The following TBC1D4 variants were observed in gnomAD, a reference collection of about 807,000 sequenced individuals.
TBC1D4 encodes TBC (Tre-2, BUB2, CDC16) domain-containing protein.
In TBC1D4, 121 loss-of-function variants were observed where a neutral mutation model predicts 142.5. The ratio of observed to expected loss-of-function variants is 0.85; its 90% CI spans 0.73 to 0.99. The LOEUF (loss-of-function observed/expected upper bound fraction) is 0.99, where lower values mean the gene tolerates loss of function less well. TBC1D4 is among the 50% of genes least tolerant of loss of function. TBC1D4 has a pLI of 0.00. For synonymous variants in TBC1D4, 630 were observed against 628.2 expected, an observed-to-expected ratio of 1.00 and a Z score of -0.04; for missense variants, 1,475 against 1,606.6, an observed-to-expected ratio of 0.92 and a Z score of 1.40.
chr13:75,310,746 AC>A (rs1877666633), intron 13 of TBC1D4, among the ~76,000 whole-genome samples: 1 of 152,146 alleles, frequency 6.6e-6, no homozygotes, highest in Non-Finnish European at 1.5e-5. Context: ...TGACTTCGCC[AC>A]CCAGGTAGTG....
chr13:75,380,030 G>A (rs570928265), intron 1 of TBC1D4, among the ~76,000 whole-genome samples: 97 of 150,220 alleles, frequency 6.5e-4, no homozygotes, highest in African/African-American at 2.2e-3. Flanking sequence ...TTCAACCTCC[G>A]AAGTGTCCCA....
chr13:75,379,812 T>C (rs1883713193), intron 1 of TBC1D4, among the ~76,000 whole-genome samples: 2 of 148,886 alleles, frequency 1.3e-5, no homozygotes, highest in African/African-American at 2.4e-5. Context: ...AAACAACACA[T>C]TTACCATTAT....
At chr13:75,342,792 T>C (rs17064211) in intron 5 of TBC1D4, among the ~76,000 whole-genome samples, 2 of 151,930 alleles carry the variant, frequency 1.3e-5, no homozygotes, top group African/African-American at 4.8e-5. Flanking sequence ...ACTTAGAGTA[T>C]TGCTACTATA....
intron 1 of TBC1D4, among the ~76,000 whole-genome samples, chr13:75,382,168 C>T (rs1355003392): frequency 6.6e-6 from 1 of 152,172 alleles, no homozygotes; most frequent in Non-Finnish European, 1.5e-5. Context: ...CAAATCCACC[C>T]TAAACAATTC....
chr13:75,429,876 C>CAAG (rs1886525931), intron 1 of TBC1D4, among the ~76,000 whole-genome samples: 1 of 152,120 alleles, frequency 6.6e-6, no homozygotes, highest in Admixed American at 6.5e-5. Context: ...GAGCATAGAA[C>CAAG]CATCTGCAGA....
chr13:75,410,204 T>G (rs1198054960), intron 1 of TBC1D4, among the ~76,000 whole-genome samples: 1 of 152,186 alleles, frequency 6.6e-6, no homozygotes, highest in Admixed American at 6.5e-5. Flanking sequence ...CACGTCCTCT[T>G]TAAAAGCTTT....
At chr13:75,310,354 CA>C (rs1877625540) in intron 13 of TBC1D4, among the ~76,000 whole-genome samples, 1 of 152,178 alleles carries the variant, frequency 6.6e-6, no homozygotes, top group Non-Finnish European at 1.5e-5. Context: ...CATGATGAAA[CA>C]GAAGCATAGG....
chr13:75,422,701 A>T (rs1205691665), intron 1 of TBC1D4, among the ~76,000 whole-genome samples: 1 of 152,204 alleles, frequency 6.6e-6, no homozygotes, highest in Admixed American at 6.5e-5. Context: ...TTTATATTAA[A>T]GATAATATCA....
intron 7 of TBC1D4, among the ~76,000 whole-genome samples, chr13:75,338,809 C>A (rs9543904): frequency 6.6e-6 from 1 of 152,216 alleles, no homozygotes; most frequent in East Asian, 1.9e-4. Context: ...TCATCCCCTG[C>A]CCCACTCTCG....
chr13:75,357,673 C>T (rs1009832547), intron 3 of TBC1D4, among the ~76,000 whole-genome samples: 3 of 152,196 alleles, frequency 2.0e-5, no homozygotes, highest in African/African-American at 7.2e-5. Context: ...GGCAAACAGT[C>T]CGACAGATTT....
chr13:75,411,442 T>C (rs1885655466), intron 1 of TBC1D4, among the ~76,000 whole-genome samples: 1 of 152,116 alleles, frequency 6.6e-6, no homozygotes, highest in African/African-American at 2.4e-5. Context: ...TTGGTTAAAG[T>C]GTTTCAAAAA....
At chr13:75,391,068 ACACAC>A (rs1358192101) in intron 1 of TBC1D4, among the ~76,000 whole-genome samples, 2 of 127,860 alleles carry the variant, frequency 1.6e-5, no homozygotes, top group South Asian at 4.8e-4. Context: ...ACACACACAC[ACACAC>A]AAACAACTTG....
intron 1 of TBC1D4, among the ~76,000 whole-genome samples, chr13:75,467,870 G>C (rs1888233422): frequency 6.6e-6 from 1 of 152,116 alleles, no homozygotes. Flanking sequence ...TGTCACAAGA[G>C]CATGCTGTTT....
chr13:75,299,110 A>G (rs1876247641), intron 17 of TBC1D4, among the ~76,000 whole-genome samples: 1 of 152,204 alleles, frequency 6.6e-6, no homozygotes, highest in Admixed American at 6.5e-5. Flanking sequence ...TACTTCAGGA[A>G]TTTTATGGAA....
chr13:75,426,852 G>C (rs1886389924), intron 1 of TBC1D4, among the ~76,000 whole-genome samples: 1 of 149,596 alleles, frequency 6.7e-6, no homozygotes, highest in African/African-American at 2.5e-5. Flanking sequence ...GATCAGCCCA[G>C]GCAACATGGG....
At chr13:75,302,852 G>T in intron 15 of TBC1D4, 1 of 209,114 alleles carries the variant, frequency 4.8e-6, no homozygotes, top group Non-Finnish European at 9.7e-6. Context: ...CCAAAAGTCT[G>T]GTTTCAGAGG....
intron 1 of TBC1D4, among the ~76,000 whole-genome samples, chr13:75,459,543 G>A (rs1194075808): frequency 6.6e-6 from 1 of 152,056 alleles, no homozygotes; most frequent in Non-Finnish European, 1.5e-5. Context: ...TTCAGTTTTA[G>A]TAGACTTTTA....
At chr13:75,405,317 T>C (rs980382107) in intron 1 of TBC1D4, among the ~76,000 whole-genome samples, 3 of 143,422 alleles carry the variant, frequency 2.1e-5, no homozygotes, top group Non-Finnish European at 3.0e-5. Context: ...GTCACCCGGC[T>C]GGAGTGCAGT....
At chr13:75,400,267 C>T (rs1389461140) in intron 1 of TBC1D4, among the ~76,000 whole-genome samples, 2 of 152,138 alleles carry the variant, frequency 1.3e-5, no homozygotes, top group Non-Finnish European at 2.9e-5. Context: ...TTTAATATTG[C>T]TCTAACCAGC....
Sources: allele counts gnomAD v4.1 joint callset (sites outside exome capture counted in the v4.1 genomes callset), GRCh38; gene constraint gnomAD v4.1.1; transcripts MANE v1.5; gene names NCBI Gene and HGNC (gene_info 2026-07-23, HGNC 2026-07-21).